The following PRDM5 variants were observed in gnomAD, a reference collection of about 807,000 sequenced individuals.
The protein encoded by PRDM5 is PR domain zinc finger protein 5.
A neutral mutation model predicts 81.2 loss-of-function variants in PRDM5; 56 were observed. The ratio of observed to expected loss-of-function variants is 0.69; its 90% confidence interval spans 0.56 to 0.86. The LOEUF is 0.86. PRDM5 is among the 40% of genes least tolerant of loss of function. The pLI is 0.00. For synonymous variants in PRDM5, 267 were observed against 256.4 expected, an observed-to-expected ratio of 1.04 and a Z score of -0.39; for missense variants, 697 against 770.1, an observed-to-expected ratio of 0.91 and a Z score of 1.12.
chr4:120,689,438 CTG>C (rs777738060), downstream of PRDM5, among the ~76,000 whole-genome samples: 1 of 151,718 alleles, frequency 6.6e-6, no homozygotes, highest in African/African-American at 2.4e-5. Context: ...AAGCTATGCA[CTG>C]TGTTTGTCAG....
chr4:120,768,121 C>A (rs943810789), intron 13 of PRDM5, among the ~76,000 whole-genome samples: 1 of 152,082 alleles, frequency 6.6e-6, no homozygotes, highest in African/African-American at 2.4e-5. Context: ...TCATTTGGCT[C>A]TAAAGCATAA....
rs142855444 is a variant in PRDM5, at chr4:120,853,537, G to A, written c.181C>T (p.Arg61Cys). Reference sequence around the variant, plus strand: ...TACAAAACTTCTCCCTTACTCCCACGAACCTGAAACATTAAAGGCTCCTGA... The same window carrying A: ...TACAAAACTTCTCCCTTACTCCCACAAACCTGAAACATTAAAGGCTCCTGA... ...NMDYRLMWEVRGSKGEVLYIL... is the reference protein window; with the variant it reads ...NMDYRLMWEVCGSKGEVLYIL... The change falls in exon 3 of 16, where the codon CGT (arginine) becomes TGT (cysteine). Residue 61 changes from arginine to cysteine, a missense_variant. Physicochemically the swap from Arg to Cys is radical, Grantham distance 180 (BLOSUM62 -3). This residue lies in a region of PRDM5 where 577 missense variants were observed against 606.7 expected (regional missense o/e 0.95). Transcript: ENST00000264808. 32 of 1,613,404 alleles carry A rather than the reference G, an allele frequency of 2.0e-5. No homozygotes were observed. The highest frequency in any genetic ancestry group is 2.5e-5 in the Non-Finnish European group (29 of 1,179,632).
chr4:120,854,668 T>C lies in PRDM5; in HGVS notation c.178-1128A>G, dbSNP rs937057512. ...CCCCAGAGCACATGGAACTTAAAAGTAAACAAATGTAGAATATAATTTCGT... is the reference window on the plus strand; with the variant it reads ...CCCCAGAGCACATGGAACTTAAAAGCAAACAAATGTAGAATATAATTTCGT... On this transcript the variant is annotated intron_variant, in intron 2 of 15. Coordinates refer to ENST00000264808, the MANE Select transcript of PRDM5 (RefSeq NM_018699.4). Among the ~76,000 whole-genome samples the C allele has an allele frequency of 1.3e-5, 2 of 152,016 alleles. 1 individual carries two copies. Among genetic ancestry groups the C allele is most frequent in the African/African-American group, 4.8e-5 (2 of 41,382 alleles).
chr4:120,701,812 T>A (rs1295788665), intron 15 of PRDM5, among the ~76,000 whole-genome samples: 2 of 152,014 alleles, frequency 1.3e-5, no homozygotes, highest in African/African-American at 4.8e-5. Context: ...ACTCTCTGAA[T>A]CTAAAATAGA....
In PRDM5 at chr4:120,867,829, T is replaced by C. The variant is rs149458042; in HGVS notation, c.178-14289A>G. The stretch of plus-strand genomic sequence containing the variant: ...AGATATCTCACTTCATTGGCAGCTG[T>C]TAGCACAAAAGTGAGAAAAACTTGG... On this transcript the variant is annotated intron_variant, in intron 2 of 15. Transcript: ENST00000264808. Among the ~76,000 whole-genome samples the C allele has an allele frequency of 3.0e-4, 46 of 152,328 alleles. No individual in the cohort carries two copies. The East Asian group carries it at 5.8e-3, about 19-fold the overall frequency.
rs181072369 is a variant in PRDM5 at position 120,722,014 on chromosome 4, C to G, written c.1624-11601G>C. The stretch of plus-strand genomic sequence containing the variant: ...CAGAGGGGAGCCAGGACACGTTCGG[C>G]TTGCTTGTGGCCAAAGAGAGAAAGA... On this transcript the variant is annotated intron_variant, in intron 14 of 15. Coordinates refer to ENST00000264808, the MANE Select transcript of PRDM5 (RefSeq NM_018699.4). Among the ~76,000 whole-genome samples the G allele has an allele frequency of 2.9e-3, 444 of 152,294 alleles. 7 individuals are homozygous for G. The highest frequency in any genetic ancestry group is 0.01 in the African/African-American group (420 of 41,576).
intron 2 of PRDM5, among the ~76,000 whole-genome samples, chr4:120,869,700 T>A (rs1489870113): frequency 6.6e-6 from 1 of 152,154 alleles, no homozygotes. Context: ...ATGGTTGGCA[T>A]CAGGAGACTG....
chr4:120,775,553 T>C (rs1419484502), intron 13 of PRDM5, among the ~76,000 whole-genome samples: 1 of 152,148 alleles, frequency 6.6e-6, no homozygotes, highest in Non-Finnish European at 1.5e-5. Context: ...GTCCCTACCT[T>C]TTAAAAACAC....
chr4:120,909,735 T>C (rs763435520), intron 1 of PRDM5, among the ~76,000 whole-genome samples: 20 of 152,068 alleles, frequency 1.3e-4, no homozygotes, highest in Non-Finnish European at 2.9e-4. Flanking sequence ...GGGGGAAGCC[T>C]GCTTGGATGC....
At chr4:120,769,827 AAAC>A (rs1369903929) in intron 13 of PRDM5, among the ~76,000 whole-genome samples, 1 of 152,146 alleles carries the variant, frequency 6.6e-6, no homozygotes, top group Non-Finnish European at 1.5e-5. Flanking sequence ...AACAAAAACA[AAAC>A]AACAAAACGT....
intron 3 of PRDM5, among the ~76,000 whole-genome samples, chr4:120,839,818 T>C (rs1263839040): frequency 6.6e-6 from 1 of 152,154 alleles, no homozygotes; most frequent in African/African-American, 2.4e-5. Flanking sequence ...CCCTCAGCTC[T>C]GCATCGGTTT....
intron 7 of PRDM5, 57 bp downstream of exon 7, chr4:120,816,396 C>G: frequency 6.2e-7 from 1 of 1,613,584 alleles, no homozygotes; most frequent in Non-Finnish European, 8.5e-7. Flanking sequence ...AAAAACAGAT[C>G]GCTGCAGCCT....
chr4:120,777,427 TTA>T, intron 12 of PRDM5, 146 bp from the exon 13 acceptor site: 1 of 1,426,708 alleles, frequency 7.0e-7, no homozygotes, highest in Non-Finnish European at 9.4e-7. Flanking sequence ...TTTAAACAAT[TTA>T]TGATGGATAT....
At chr4:120,847,194 T>C (rs1758752122) in intron 3 of PRDM5, among the ~76,000 whole-genome samples, 1 of 152,144 alleles carries the variant, frequency 6.6e-6, no homozygotes, top group Non-Finnish European at 1.5e-5. Context: ...CAGACCATCA[T>C]GTAGTCCCTT....
intron 10 of PRDM5, among the ~76,000 whole-genome samples, chr4:120,792,428 A>T (rs1750711155): frequency 6.6e-6 from 1 of 152,196 alleles, no homozygotes; most frequent in Middle Eastern, 3.2e-3. Context: ...ATATCTACTA[A>T]AACAGCAAGA....
At chr4:120,851,666 C>A (rs1444506112) in intron 3 of PRDM5, among the ~76,000 whole-genome samples, 1 of 151,984 alleles carries the variant, frequency 6.6e-6, no homozygotes, top group Non-Finnish European at 1.5e-5. Flanking sequence ...CTCATTTGTA[C>A]TGAAAAAAAT....
intron 2 of PRDM5, among the ~76,000 whole-genome samples, chr4:120,861,945 C>G (rs1278396510): frequency 1.3e-5 from 2 of 152,152 alleles, no homozygotes; most frequent in Admixed American, 6.5e-5. Flanking sequence ...TTCCTTTGAT[C>G]TTGATCTCCT....
chr4:120,826,424 C>T (rs1755992105), intron 3 of PRDM5, among the ~76,000 whole-genome samples: 1 of 152,112 alleles, frequency 6.6e-6, no homozygotes, highest in Admixed American at 6.6e-5. Context: ...ACTGTCTTAA[C>T]TTCAATTGGG....
In PRDM5 at chr4:120,863,179, T is replaced by A. The variant is rs1304474095; in HGVS notation, c.178-9639A>T. On this transcript the variant is annotated intron_variant, in intron 2 of 15. Coordinates refer to ENST00000264808, the MANE Select transcript of PRDM5 (RefSeq NM_018699.4). ...TCTAAAAAAAAAAAAAAAAAAAATA[T>A]ATATATATATATACACACACACACA... Among the ~76,000 whole-genome samples, 203 of 57,974 alleles carry A rather than the reference T, an allele frequency of 3.5e-3. 3 individuals carry two copies. Among genetic ancestry groups the A allele is most frequent in the South Asian group, 0.032 (55 of 1,710 alleles). 38.0% of individuals were successfully genotyped at this position (57,974 alleles called of 152,430 possible). A position where few individuals can be genotyped will look rare whatever the true frequency, so the allele number is the denominator to read the frequency against.
Sources: allele counts gnomAD v4.1 joint callset (sites outside exome capture counted in the v4.1 genomes callset), GRCh38; gene constraint gnomAD v4.1.1; regional missense constraint gnomAD v4.1.1; transcripts MANE v1.5; gene names NCBI Gene and HGNC (gene_info 2026-07-23, HGNC 2026-07-21).